The following ANK2 variants were observed in gnomAD, a reference collection of about 807,000 sequenced individuals.
ANK2 encodes the protein ankyrin 2.
In ANK2, 83 loss-of-function variants were observed where a neutral mutation model predicts 360.5. The ratio of observed to expected loss-of-function variants is 0.23; its 90% CI spans 0.19 to 0.28. ANK2 has a LOEUF of 0.28. Ranked by LOEUF, ANK2 falls within the 10% of genes least tolerant of loss-of-function variation. The pLI, the probability that ANK2 is intolerant of heterozygous loss-of-function variation, is 1.00. For synonymous variants in ANK2, 1,740 were observed against 1,759.5 expected (o/e 0.99, Z 0.28); for missense variants, 4,201 against 4,795.7 (o/e 0.88, Z 3.66).
chr4:112,820,998 G>A (rs898131958), intron 1 of ANK2, among the ~76,000 whole-genome samples: 3 of 152,068 alleles, frequency 2.0e-5, no homozygotes, highest in South Asian at 2.1e-4. Flanking sequence ...CGCAACCTCC[G>A]CTTCCCGGGT....
intron 1 of ANK2, among the ~76,000 whole-genome samples, chr4:113,102,729 T>A (rs1366381828): frequency 6.6e-6 from 1 of 152,138 alleles, no homozygotes; most frequent in Non-Finnish European, 1.5e-5. Context: ...CTCTATGAGA[T>A]TTGGCAACGT....
At chr4:112,780,738 T>C in the ANK2 span, among the ~76,000 whole-genome samples, 1 of 152,076 alleles carries the variant, frequency 6.6e-6, no homozygotes, top group African/African-American at 2.4e-5. Flanking sequence ...AAGGAGGAAC[T>C]GTTAGACATG....
At chr4:112,978,784 C>A (rs2042212265) in intron 2 of ANK2, among the ~76,000 whole-genome samples, 1 of 152,094 alleles carries the variant, frequency 6.6e-6, no homozygotes, top group South Asian at 2.1e-4. Flanking sequence ...TGCTTCTAAG[C>A]CTATAATTTT....
intron 14 of ANK2, among the ~76,000 whole-genome samples, chr4:113,270,349 A>C (rs2058035615): frequency 6.6e-6 from 1 of 152,216 alleles, no homozygotes; most frequent in Middle Eastern, 3.4e-3. Flanking sequence ...ACAACCTTTT[A>C]TCTTTTTGGA....
At chr4:113,196,728 T>C (rs1208515544) in intron 3 of ANK2, among the ~76,000 whole-genome samples, 1 of 152,086 alleles carries the variant, frequency 6.6e-6, no homozygotes, top group African/African-American at 2.4e-5. Flanking sequence ...AATGAGGTCT[T>C]GCTATGTTGC....
At chr4:112,723,547 A>G in the ANK2 span, among the ~76,000 whole-genome samples, 1 of 152,230 alleles carries the variant, frequency 6.6e-6, no homozygotes, top group South Asian at 2.1e-4. Context: ...TATTTTTAGT[A>G]GAGATGGGGT....
At chr4:113,375,862 G>T (rs2096912995) in intron 45 of ANK2, among the ~76,000 whole-genome samples, 1 of 152,112 alleles carries the variant, frequency 6.6e-6, no homozygotes, top group Admixed American at 6.5e-5. Context: ...AAATAAATTG[G>T]CATGGAGCTA....
the ANK2 span, among the ~76,000 whole-genome samples, chr4:112,715,652 T>G: frequency 6.6e-6 from 1 of 152,228 alleles, no homozygotes; most frequent in African/African-American, 2.4e-5. Context: ...TCCTTTTGAT[T>G]GTTCAGTCGC....
chr4:112,978,486 G>T (rs1057309640), intron 2 of ANK2, among the ~76,000 whole-genome samples: 1 of 152,044 alleles, frequency 6.6e-6, no homozygotes, highest in Non-Finnish European at 1.5e-5. Flanking sequence ...CCAGTTTCCC[G>T]CTTTTCTTAG....
chr4:112,755,279 G>A, the ANK2 span, among the ~76,000 whole-genome samples: 3 of 152,172 alleles, frequency 2.0e-5, no homozygotes, highest in South Asian at 6.2e-4. Context: ...ACTGAATTAT[G>A]ACCTTTCCAA....
intron 1 of ANK2, among the ~76,000 whole-genome samples, chr4:112,847,050 C>A (rs1191005289): frequency 1.3e-5 from 2 of 152,152 alleles, no homozygotes; most frequent in Non-Finnish European, 2.9e-5. Flanking sequence ...TCAAGAGAGG[C>A]TGGGCAATCA....
At chr4:113,344,940 T>C (rs1292775760) in intron 34 of ANK2, among the ~76,000 whole-genome samples, 2 of 152,256 alleles carry the variant, frequency 1.3e-5, no homozygotes, top group South Asian at 2.1e-4. Context: ...TATTGTTTAA[T>C]AGATACAGAA....
At chr4:112,759,008 T>C in the ANK2 span, among the ~76,000 whole-genome samples, 1 of 152,198 alleles carries the variant, frequency 6.6e-6, no homozygotes, top group Non-Finnish European at 1.5e-5. Context: ...TGGTCCTTTT[T>C]ATACTTGAAA....
At chr4:113,321,768 T>C (rs2086426350) in intron 26 of ANK2, among the ~76,000 whole-genome samples, 1 of 152,196 alleles carries the variant, frequency 6.6e-6, no homozygotes, top group African/African-American at 2.4e-5. Context: ...AGTCTTACTC[T>C]GTCACCCAGG....
At chr4:113,110,722 T>C (rs990134554) in intron 1 of ANK2, among the ~76,000 whole-genome samples, 1 of 152,142 alleles carries the variant, frequency 6.6e-6, no homozygotes, top group African/African-American at 2.4e-5. Context: ...GGCTGTGCTA[T>C]TGAAACATGT....
intron 1 of ANK2, chr4:113,152,305 A>G (rs549322966): frequency 1.2e-4 from 18 of 152,152 alleles, no homozygotes; most frequent in African/African-American, 4.3e-4. Flanking sequence ...TGGAGCTGGG[A>G]ATACTCTGGG....
the ANK2 span, among the ~76,000 whole-genome samples, chr4:112,739,994 T>G: frequency 3.3e-5 from 5 of 152,244 alleles, no homozygotes; most frequent in East Asian, 5.8e-4. Context: ...GAACCCCGTC[T>G]CAATAAATAA....
At chr4:113,048,276 A>AT (rs1165941601), upstream of ANK2, among the ~76,000 whole-genome samples, 34 of 39,750 alleles carry the variant, frequency 8.6e-4, 3 homozygotes, top group Non-Finnish European at 1.1e-3. Context: ...ATATATATAT[A>AT]TTTTTTTTTT....
chr4:113,317,251 G>A (rs1417343602), intron 24 of ANK2, among the ~76,000 whole-genome samples: 2 of 152,098 alleles, frequency 1.3e-5, no homozygotes, highest in African/African-American at 2.4e-5. Context: ...AATAATAAGC[G>A]AAAATGAAAC....
Sources: gnomAD v4.1 joint callset for allele counts (sites outside exome capture counted in the v4.1 genomes callset) on GRCh38, gnomAD v4.1.1 for gene constraint, MANE v1.5 for transcripts, NCBI Gene and HGNC (gene_info 2026-07-23, HGNC 2026-07-21) for gene names.